Variants in RBFOX1 observed in about 807,000 individuals in gnomAD.
RBFOX1 encodes RNA binding fox-1 homolog 1.
In RBFOX1, 8 loss-of-function variants were observed where a neutral mutation model predicts 57.7. The observed-to-expected ratio is 0.14, with a 90% CI of 0.08 to 0.25. The LOEUF is 0.25. Among genes scored for constraint, RBFOX1 ranks in the 10% least tolerant of loss-of-function variants. The pLI is 1.00. For missense variants in RBFOX1, 611 were observed against 548.5 expected, an observed-to-expected ratio of 1.11 and a Z score of -1.14; for synonymous variants, 326 against 222.4, an observed-to-expected ratio of 1.47 and a Z score of -4.15.
At chr16:6,899,148 CACGTG>C (rs201099870) in intron 3 of RBFOX1, among the ~76,000 whole-genome samples, 1,880 of 150,706 alleles carry the variant, frequency 0.012, 22 homozygotes, top group Non-Finnish European at 0.02. Context: ...TGTATGGACA[CACGTG>C]TATGTAACAT....
rs542138368 is a variant in RBFOX1 at position 7,549,633 on chromosome 16, C to G, written c.271-30144C>G. 1.5e-3 allele frequency among the ~76,000 whole-genome samples: 232 copies of G among 152,234 alleles called. 1 individual carries two copies. Among genetic ancestry groups the G allele is most frequent in the Non-Finnish European group, 2.7e-3 (186 of 68,014 alleles). On this transcript the variant is annotated intron_variant, in intron 5 of 15. Coordinates refer to ENST00000550418, the MANE Select transcript of RBFOX1 (RefSeq NM_018723.4). Reference sequence around the variant, plus strand: ...TCCAAGAGTCCAAAAGCTGAAGAACCTGGAGTCTGTTGTTCAAGGGCAGGA... The same window carrying G: ...TCCAAGAGTCCAAAAGCTGAAGAACGTGGAGTCTGTTGTTCAAGGGCAGGA...
intron 3 of RBFOX1, among the ~76,000 whole-genome samples, chr16:6,687,161 A>G (rs1393708476): frequency 6.6e-6 from 1 of 152,182 alleles, no homozygotes; most frequent in Admixed American, 6.5e-5. Flanking sequence ...GATTATGAGT[A>G]TCCTTTGAAT....
At position 6,820,583 on chromosome 16, in the gene RBFOX1, C is replaced by T. The variant is rs191008729; in HGVS notation, c.-16+165933C>T. Among the ~76,000 whole-genome samples, 274 of 151,984 alleles carry T rather than the reference C, an allele frequency of 1.8e-3. 1 individual carries two copies. The highest frequency in any genetic ancestry group is 5.8e-3 in the African/African-American group (240 of 41,436). ...GTGAGGCAGGAAGATTTTTTGAGCC[C>T]GGGAGTTAGAGGCTGCTGCAAGCCA... On this transcript the variant is annotated intron_variant, in intron 3 of 15. Transcript: ENST00000550418.
At chr16:7,625,325 C>T (rs1163736884) in intron 10 of RBFOX1, among the ~76,000 whole-genome samples, 19 of 152,174 alleles carry the variant, frequency 1.2e-4, no homozygotes, top group Non-Finnish European at 2.6e-4. Context: ...CCACCCAGCC[C>T]TTCGAGCAGT....
At chr16:7,503,801 C>T (rs778176667) in intron 4 of RBFOX1, among the ~76,000 whole-genome samples, 1 of 152,126 alleles carries the variant, frequency 6.6e-6, no homozygotes, top group Non-Finnish European at 1.5e-5. Flanking sequence ...GTTTGATTTT[C>T]TGCTTGTCCA....
intron 3 of RBFOX1, among the ~76,000 whole-genome samples, chr16:5,842,057 T>C (rs1186144388): frequency 1.3e-5 from 2 of 152,170 alleles, no homozygotes; most frequent in African/African-American, 4.8e-5. Flanking sequence ...TGCAGGTAGA[T>C]GGTGAATCTC....
intron 4 of RBFOX1, among the ~76,000 whole-genome samples, chr16:5,928,044 T>TAATA (rs1313201518): frequency 6.6e-6 from 1 of 152,194 alleles, no homozygotes; most frequent in East Asian, 1.9e-4. Context: ...CTATCATTAG[T>TAATA]AATAAAGTGT....
intron 3 of RBFOX1, among the ~76,000 whole-genome samples, chr16:5,852,402 C>G (rs1489416508): frequency 2.6e-5 from 4 of 152,134 alleles, no homozygotes; most frequent in African/African-American, 9.7e-5. Context: ...AAGTTGAGCC[C>G]CAGCCGGATG....
At chr16:6,867,776 A>C (rs1367314077) in intron 3 of RBFOX1, among the ~76,000 whole-genome samples, 1 of 152,178 alleles carries the variant, frequency 6.6e-6, no homozygotes, top group Non-Finnish European at 1.5e-5. Context: ...TGGCATCATT[A>C]CCTTTAGGTT....
chr16:5,919,994 A>C (rs958418955), intron 4 of RBFOX1, among the ~76,000 whole-genome samples: 2 of 152,110 alleles, frequency 1.3e-5, no homozygotes, highest in Non-Finnish European at 2.9e-5. Flanking sequence ...GCTGGAGTGC[A>C]GTGGCGCGAT....
At chr16:7,455,967 G>A (rs1160718863) in intron 4 of RBFOX1, among the ~76,000 whole-genome samples, 2 of 152,088 alleles carry the variant, frequency 1.3e-5, no homozygotes, top group Non-Finnish European at 2.9e-5. Flanking sequence ...GAAATGTCAA[G>A]TTCAATCCCT....
At chr16:7,587,365 GA>G in intron 7 of RBFOX1, 65 bp downstream of exon 7, 1 of 1,416,996 alleles carries the variant, frequency 7.1e-7, no homozygotes, top group East Asian at 2.5e-5. Context: ...TGAATAAGGG[GA>G]AACAACTGCA....
intron 1 of RBFOX1, among the ~76,000 whole-genome samples, chr16:5,414,833 C>G (rs968378412): frequency 6.6e-6 from 1 of 152,120 alleles, no homozygotes; most frequent in African/African-American, 2.4e-5. Context: ...AGTCACCATC[C>G]TCGGTGGGAT....
intron 9 of RBFOX1, among the ~76,000 whole-genome samples, chr16:7,605,108 T>C (rs2095232552): frequency 6.6e-6 from 1 of 152,200 alleles, no homozygotes; most frequent in Non-Finnish European, 1.5e-5. Context: ...TACTTTTTCT[T>C]AGACTCCAAG....
chr16:7,160,104 C>T (rs1443118877), intron 4 of RBFOX1, among the ~76,000 whole-genome samples: 7 of 151,984 alleles, frequency 4.6e-5, no homozygotes, highest in Non-Finnish European at 8.8e-5. Context: ...AATTTCTTAC[C>T]ACAACAGAAT....
At chr16:6,776,562 T>A (rs1603620084) in intron 3 of RBFOX1, among the ~76,000 whole-genome samples, 1 of 152,154 alleles carries the variant, frequency 6.6e-6, no homozygotes, top group East Asian at 1.9e-4. Context: ...TCATCCATGG[T>A]TGACACTGTT....
intron 5 of RBFOX1, among the ~76,000 whole-genome samples, chr16:7,542,595 C>A (rs1323901013): frequency 1.3e-5 from 2 of 151,552 alleles, no homozygotes; most frequent in African/African-American, 4.9e-5. Context: ...TGGCTCACAC[C>A]TGTAATCCCA....
At chr16:6,360,129 T>G (rs1294426219) in intron 2 of RBFOX1, among the ~76,000 whole-genome samples, 1 of 152,204 alleles carries the variant, frequency 6.6e-6, no homozygotes, top group African/African-American at 2.4e-5. Flanking sequence ...AGTATGCATC[T>G]GTTCTTGTTT....
intron 3 of RBFOX1, among the ~76,000 whole-genome samples, chr16:5,608,489 G>A (rs1213587792): frequency 6.6e-6 from 1 of 152,240 alleles, no homozygotes; most frequent in South Asian, 2.1e-4. Context: ...TGTTGTGGAA[G>A]CCTGGGCCAG....
Sources: gnomAD v4.1 joint callset for allele counts (sites outside exome capture counted in the v4.1 genomes callset) on GRCh38, gnomAD v4.1.1 for gene constraint, MANE v1.5 for transcripts, NCBI Gene and HGNC (gene_info 2026-07-23, HGNC 2026-07-21) for gene names.